The following ZNF573 variants were observed in gnomAD, a reference collection of about 807,000 sequenced individuals.
The protein encoded by ZNF573 is zinc finger protein 573.
ZNF573 carries 41 observed loss-of-function variants against 57.4 expected under a neutral mutation model. That is an observed-to-expected ratio of 0.71 (90% confidence interval 0.56 to 0.93). ZNF573 has a LOEUF of 0.93. Ranked by LOEUF, ZNF573 falls within the 40% of genes least tolerant of loss-of-function variation. ZNF573 has a pLI of 0.00. For synonymous variants in ZNF573, 249 were observed against 261.0 expected (o/e 0.95, Z 0.44); for missense variants, 730 against 794.8 (o/e 0.92, Z 0.98).
rs1235858366 is a variant in ZNF573, at chr19:37,771,537, T to C, written c.202+27A>G. 4 of 1,604,164 alleles carry C rather than the reference T, an allele frequency of 2.5e-6. No individual in the cohort carries two copies. In the Admixed American group the frequency reaches 5.2e-5, roughly 21 times the overall value. On this transcript the variant is annotated intron_variant, in intron 3 of 4. Transcript: ENST00000536220. Reference sequence around the variant, plus strand: ...AGGTAACATATCACAGATCACATTTTAAATTACTTGAGGCAAATAAACTTA... The same window carrying C: ...AGGTAACATATCACAGATCACATTTCAAATTACTTGAGGCAAATAAACTTA...
rs752018581 is a variant in ZNF573, at chr19:37,739,590, C to T, written c.900G>A (p.Lys300=). The T allele has an allele frequency of 3.7e-6, 6 of 1,613,776 alleles. No homozygotes were observed. Among genetic ancestry groups the T allele is most frequent in the Non-Finnish European group, 5.1e-6 (6 of 1,179,970 alleles). ...VEHGQFHTDE[K]PYICEKCGKA... Reference sequence around the variant, plus strand: ...TTCCACATTTCTCACATATGTATGGCTTCTCATCAGTATGAAACTGCCCAT... The same window carrying T: ...TTCCACATTTCTCACATATGTATGGTTTCTCATCAGTATGAAACTGCCCAT... Residue 300 remains lysine (K), a synonymous_variant, in exon 5 of 5, where the codon AAG becomes AAA. Transcript: ENST00000536220.
chr19:37,749,340 T>A (rs2037392304), intron 4 of ZNF573, among the ~76,000 whole-genome samples: 1 of 151,898 alleles, frequency 6.6e-6, no homozygotes. Context: ...TTTAAAATAT[T>A]CTCCCTTGGC....
intron 1 of ZNF573, among the ~76,000 whole-genome samples, chr19:37,775,066 G>T (rs546128857): frequency 6.6e-6 from 1 of 150,420 alleles, no homozygotes; most frequent in East Asian, 2.0e-4. Flanking sequence ...ACCCAGGCTG[G>T]AGTACAGTGG....
chr19:37,739,195 T>C lies in ZNF573; in HGVS notation c.1295A>G (p.His432Arg). 3 of 1,612,954 alleles carry C rather than the reference T, an allele frequency of 1.9e-6. No homozygotes were observed. The highest frequency in any genetic ancestry group is 2.5e-6 in the Non-Finnish European group (3 of 1,179,654). The change falls in exon 5 of 5, where the codon CAT becomes CGT. Residue 432 changes from histidine to arginine, a missense_variant. His to Arg is a conservative substitution (Grantham distance 29). Transcript: ENST00000536220. ...AFSLYGYLKQ[H>R]QKIHTGMKHF... ...TTTCATGCCAGTATGAATTTTCTGA[T>C]GTTGTTTAAGGTAGCCATACAAGCT...
At chr19:37,768,255 CCTT>C (rs1490880339) in intron 4 of ZNF573, among the ~76,000 whole-genome samples, 2 of 152,094 alleles carry the variant, frequency 1.3e-5, no homozygotes, top group African/African-American at 4.8e-5. Flanking sequence ...TGGTTCTAAT[CCTT>C]CTTATTCCCA....
intron 4 of ZNF573, among the ~76,000 whole-genome samples, chr19:37,764,297 T>TA (rs1350035517): frequency 1.3e-5 from 2 of 151,528 alleles, no homozygotes; most frequent in South Asian, 2.1e-4. Flanking sequence ...TATGTATACT[T>TA]AGAGTTTTTT....
At chr19:37,760,640 G>T (rs983732332) in intron 4 of ZNF573, among the ~76,000 whole-genome samples, 4 of 151,138 alleles carry the variant, frequency 2.6e-5, no homozygotes, top group Admixed American at 2.6e-4. Context: ...TGACCAACAT[G>T]GTGAAACCCC....
At chr19:37,750,554 T>G (rs1042039355) in intron 4 of ZNF573, among the ~76,000 whole-genome samples, 1 of 152,152 alleles carries the variant, frequency 6.6e-6, no homozygotes, top group East Asian at 1.9e-4. Flanking sequence ...GAATTCAACA[T>G]AGTACAGAAT....
intron 4 of ZNF573, among the ~76,000 whole-genome samples, chr19:37,756,420 C>T (rs2045488470): frequency 6.6e-6 from 1 of 152,096 alleles, no homozygotes; most frequent in Admixed American, 6.5e-5. Context: ...AACGGAGGTG[C>T]ATAAAATTGC....
chr19:37,741,744 C>T (rs1158913645), intron 4 of ZNF573, among the ~76,000 whole-genome samples: 1 of 152,126 alleles, frequency 6.6e-6, no homozygotes, highest in Non-Finnish European at 1.5e-5. Context: ...AAGCTGGAAG[C>T]ATTCCCTTTG....
chr19:37,751,710 G>T (rs1314389247), intron 4 of ZNF573, among the ~76,000 whole-genome samples: 4 of 141,970 alleles, frequency 2.8e-5, no homozygotes, highest in Non-Finnish European at 6.1e-5. Flanking sequence ...ACTGTATATA[G>T]TACATAGTAC....
rs190959699 is a variant in ZNF573 at position 37,744,697 on chromosome 19, C to A, written c.296-4503G>T. Among the ~76,000 whole-genome samples, 7 of 146,090 alleles carry A rather than the reference C, an allele frequency of 4.8e-5. No individual in the cohort carries two copies. In the East Asian group the frequency reaches 1.4e-3, roughly 29 times the overall value. ...CCAAAGCTGCAGTGAGCTGTGTTCACGCCACTGCACTCCAGCCCAGGCAAC... is the reference window on the plus strand; with the variant it reads ...CCAAAGCTGCAGTGAGCTGTGTTCAAGCCACTGCACTCCAGCCCAGGCAAC... On this transcript the variant is annotated intron_variant, in intron 4 of 4. Coordinates refer to ENST00000536220, the MANE Select transcript of ZNF573 (RefSeq NM_001172690.2).
intron 4 of ZNF573, among the ~76,000 whole-genome samples, chr19:37,760,083 A>G (rs1257542408): frequency 6.6e-6 from 1 of 152,226 alleles, no homozygotes; most frequent in Non-Finnish European, 1.5e-5. Flanking sequence ...AAGAACAGGA[A>G]AATACTCCAG....
intron 4 of ZNF573, among the ~76,000 whole-genome samples, chr19:37,742,271 A>T (rs2045334574): frequency 6.6e-6 from 1 of 152,252 alleles, no homozygotes; most frequent in Non-Finnish European, 1.5e-5. Context: ...TATAGATTCA[A>T]TGCTATTCCC....
chr19:37,739,416 A>G lies in ZNF573; in HGVS notation c.1074T>C (p.Tyr358=). 6.2e-7 allele frequency: 1 copy of G among 1,614,132 alleles called. No homozygotes were observed. The highest frequency in any genetic ancestry group is 2.2e-5 in the East Asian group (1 of 44,876). ...AGGTTTTCTTACACTCCTTACATTC[A>G]TAGGGTTTTCCACCTTTATGAATTC... The part of the protein sequence containing the change: ...HQRIHKGGKP[Y]ECKECKKTFT... The change falls in exon 5 of 5, where the codon TAT becomes TAC. Residue 358 remains tyrosine, a synonymous_variant. Transcript: ENST00000536220.
Position 37,739,634 on chromosome 19 carries a change from G to A in ZNF573, c.856C>T (p.Arg286Cys), listed in dbSNP as rs368126048. ...TGCCCATGTTCAACAAGATTTGAGC[G>A]CCTACTAAAAGTCTTCCCACATTCC... ...CKECGKTFSR[R>C]SNLVEHGQFH... Residue 286 changes from arginine (R) to cysteine (C), a missense_variant, in exon 5 of 5, where the codon CGC becomes TGC. Transcript: ENST00000536220. 161 of 1,613,452 alleles carry A rather than the reference G, an allele frequency of 1.0e-4. 1 individual carries two copies. The highest frequency in any genetic ancestry group is 1.2e-4 in the Non-Finnish European group (139 of 1,179,884).
chr19:37,739,468 G>A lies in ZNF573; in HGVS notation c.1022C>T (p.Thr341Ile). ...ECKECGKGYTTASYFLLHQRI... is the reference protein window; with the variant it reads ...ECKECGKGYTIASYFLLHQRI... Reference sequence around the variant, plus strand: ...CTGATGTAGAAGAAAGTATGAGGCAGTGGTATAGCCCTTCCCACATTCTTT... The same window carrying A: ...CTGATGTAGAAGAAAGTATGAGGCAATGGTATAGCCCTTCCCACATTCTTT... The change falls in exon 5 of 5, where the codon ACT (threonine) becomes ATT (isoleucine). Residue 341 changes from threonine (T) to isoleucine (I), a missense_variant. Transcript: ENST00000536220. 6.2e-7 allele frequency: 1 copy of A among 1,614,056 alleles called. No homozygotes were observed. Among genetic ancestry groups the A allele is most frequent in the African/African-American group, 1.3e-5 (1 of 75,022 alleles).
rs1252456625 is a variant in ZNF573 at position 37,739,562 on chromosome 19, C to G, written c.928G>C (p.Ala310Pro). 1.9e-6 allele frequency: 3 copies of G among 1,613,334 alleles called. No individual in the cohort carries two copies. Among genetic ancestry groups the G allele is most frequent in the East Asian group, 2.2e-5 (1 of 44,866 alleles). The change falls in exon 5 of 5, where the codon GCC (alanine) becomes CCC (proline). Residue 310 changes from alanine to proline, a missense_variant. Transcript: ENST00000536220. ...KPYICEKCGK[A>P]FRRGHQLTVH... ...GTAAGCTGGTGACCTCTTCTAAAGG[C>G]CTTTCCACATTTCTCACATATGTAT...
At position 37,771,654 on chromosome 19, in the gene ZNF573, A is replaced by T; in HGVS notation, c.112T>A (p.Ser38Thr). The change falls in exon 3 of 5, where the codon TCT becomes ACT. Residue 38 changes from serine to threonine, a missense_variant. Transcript: ENST00000536220. ...TCCAGGTATTCCCACTCCTGCCGAG[A>T]GAAGTCTATGGCCACATCCCTGAAT... is the stretch of plus-strand genomic sequence containing the variant. ...VTFRDVAIDF[S>T]RQEWEYLDPN... 1 of 1,603,492 alleles carries T rather than the reference A, an allele frequency of 6.2e-7. No individual in the cohort carries two copies. The highest frequency in any genetic ancestry group is 8.5e-7 in the Non-Finnish European group (1 of 1,176,978).
Sources: gnomAD v4.1 joint callset for allele counts (sites outside exome capture counted in the v4.1 genomes callset) on GRCh38, gnomAD v4.1.1 for gene constraint, MANE v1.5 for transcripts, NCBI Gene and HGNC (gene_info 2026-07-23, HGNC 2026-07-21) for gene names.